Variants in SEZ6L observed in about 807,000 individuals in gnomAD.
SEZ6L encodes the protein seizure related 6 homolog like, also known as seizure 6-like protein.
In SEZ6L, 37 loss-of-function variants were observed where a neutral mutation model predicts 106.2. That is an observed-to-expected ratio of 0.35 (90% CI 0.27 to 0.46). SEZ6L has a LOEUF of 0.46. Among genes scored for constraint, SEZ6L ranks in the 20% least tolerant of loss-of-function variants. The probability of loss-of-function intolerance (pLI) is 1.00; values close to 1 mark genes in which losing one functional copy is unlikely to be tolerated. For missense variants in SEZ6L, 1,172 were observed against 1,332.8 expected (o/e 0.88, Z 1.88); for synonymous variants, 541 against 570.4 (o/e 0.95, Z 0.73).
At chr22:26,178,349 G>T (rs747964020) in intron 1 of SEZ6L, among the ~76,000 whole-genome samples, 1 of 152,186 alleles carries the variant, frequency 6.6e-6, no homozygotes, top group Non-Finnish European at 1.5e-5. Context: ...CAAGGCCCAG[G>T]CTAGGTATCC....
chr22:26,310,784 G>A lies in SEZ6L; in HGVS notation c.1629G>A (p.Glu543=). ...GCGAAGGCAACACCATCCGCATCGA[G>A]TTCACGTCCGACCAGGCCCGGGCGG... ...LLSEGNTIRI[E]FTSDQARAAS... is the part of the protein sequence containing the mutation. Residue 543 remains glutamate, a synonymous_variant, in exon 7 of 17, where the codon GAG becomes GAA. Transcript: ENST00000248933. 3 of 1,614,148 alleles carry A rather than the reference G, an allele frequency of 1.9e-6. No individual in the cohort carries two copies. The highest frequency in any genetic ancestry group is 1.7e-5 in the Admixed American group (1 of 60,022).
At position 26,191,712 on chromosome 22, in the gene SEZ6L, C is replaced by T. The variant is rs368817137; in HGVS notation, c.94+21949C>T. Among the ~76,000 whole-genome samples the T allele has an allele frequency of 9.2e-5, 14 of 152,248 alleles. No individual in the cohort carries two copies. The South Asian group carries it at 2.3e-3, about 25-fold the overall frequency. On this transcript the variant is annotated intron_variant, in intron 1 of 16. Transcript: ENST00000248933. Reference sequence around the variant, plus strand: ...GGCACATGTTTACCTATGTAACAAACCTGTACATCCTGCACATGTATCCCT... The same window carrying T: ...GGCACATGTTTACCTATGTAACAAATCTGTACATCCTGCACATGTATCCCT...
At chr22:26,303,939 C>A (rs1394368833) in intron 5 of SEZ6L, among the ~76,000 whole-genome samples, 1 of 152,150 alleles carries the variant, frequency 6.6e-6, no homozygotes, top group Non-Finnish European at 1.5e-5. Flanking sequence ...AGACTTGAAA[C>A]CCTGGTCATG....
intron 1 of SEZ6L, among the ~76,000 whole-genome samples, chr22:26,199,659 A>G (rs1029981374): frequency 1.3e-5 from 2 of 152,230 alleles, no homozygotes; most frequent in Admixed American, 1.3e-4. Flanking sequence ...ATCCAGGACT[A>G]GAGGCAAGGA....
chr22:26,185,684 A>G (rs962115894), intron 1 of SEZ6L, among the ~76,000 whole-genome samples: 1 of 152,102 alleles, frequency 6.6e-6, no homozygotes, highest in Admixed American at 6.5e-5. Context: ...TCCACCATTT[A>G]TATGCCAGGC....
In SEZ6L at chr22:26,292,441, C is replaced by G. The variant is rs764187004; in HGVS notation, c.130C>G (p.Pro44Ala). 6.2e-7 allele frequency: 1 copy of G among 1,613,650 alleles called. No individual in the cohort carries two copies. Among genetic ancestry groups the G allele is most frequent in the Non-Finnish European group, 8.5e-7 (1 of 1,179,856 alleles). The change falls in exon 2 of 17, where the codon CCT (proline) becomes GCT (alanine). Residue 44 changes from proline (P) to alanine (A), a missense_variant. Pro to Ala is a conservative substitution (Grantham distance 27, BLOSUM62 -1). This residue lies in a region of SEZ6L where 494 missense variants were observed against 445.8 expected (regional missense o/e 1.11). Coordinates refer to ENST00000248933, the MANE Select transcript of SEZ6L (RefSeq NM_021115.5). The stretch of plus-strand genomic sequence containing the variant: ...CGAGGGAGATGCTAGCCCTTTGGGT[C>G]CTTACCTCCTGCCCTCAGGAGCCCC... ...LPEGDASPLG[P>A]YLLPSGAPER...
chr22:26,211,912 T>C (rs1374433522), intron 1 of SEZ6L, among the ~76,000 whole-genome samples: 1 of 150,004 alleles, frequency 6.7e-6, no homozygotes, highest in Non-Finnish European at 1.5e-5. Flanking sequence ...GTAGACAAAA[T>C]TCATGCCCAC....
intron 1 of SEZ6L, among the ~76,000 whole-genome samples, chr22:26,195,674 A>G (rs1024599831): frequency 6.6e-6 from 1 of 152,138 alleles, no homozygotes; most frequent in Non-Finnish European, 1.5e-5. Flanking sequence ...TCCATGCTCA[A>G]TCTATCACAG....
intron 1 of SEZ6L, among the ~76,000 whole-genome samples, chr22:26,270,463 G>GTGTGT (rs2080327712): frequency 7.5e-5 from 11 of 146,372 alleles, no homozygotes; most frequent in African/African-American, 2.8e-4. Flanking sequence ...AATTGTGAGG[G>GTGTGT]GTGTGTGTGT....
chr22:26,191,227 A>G (rs1048091658), intron 1 of SEZ6L, among the ~76,000 whole-genome samples: 3 of 152,232 alleles, frequency 2.0e-5, no homozygotes, highest in Non-Finnish European at 2.9e-5. Context: ...CAGCAATCCC[A>G]TTACTGGGTA....
chr22:26,351,417 C>T, intron 12 of SEZ6L, 174 bp downstream of exon 12: 1 of 537,090 alleles, frequency 1.9e-6, no homozygotes, highest in South Asian at 3.0e-5. Flanking sequence ...CATACTATAA[C>T]ATTTACAGTA....
At chr22:26,348,687 A>AAAGGAAGGAAGG (rs1491588787) in intron 11 of SEZ6L, among the ~76,000 whole-genome samples, 1 of 64,466 alleles carries the variant, frequency 1.6e-5, no homozygotes, top group South Asian at 8.6e-4. Context: ...AGAAAGAAAG[A>AAAGGAAGGAAGG]AAGAAAGAAA....
At chr22:26,252,409 T>C (rs1012222813) in intron 1 of SEZ6L, among the ~76,000 whole-genome samples, 7 of 152,224 alleles carry the variant, frequency 4.6e-5, no homozygotes, top group Non-Finnish European at 8.8e-5. Context: ...CATGTGTGTA[T>C]ATATATAGAT....
chr22:26,177,857 C>T (rs887875791), intron 1 of SEZ6L, among the ~76,000 whole-genome samples: 1 of 152,122 alleles, frequency 6.6e-6, no homozygotes, highest in Non-Finnish European at 1.5e-5. Context: ...TTATCTGCCT[C>T]AATCCTCTCC....
intron 11 of SEZ6L, among the ~76,000 whole-genome samples, chr22:26,350,719 C>A (rs1405896558): frequency 1.4e-5 from 2 of 144,926 alleles, no homozygotes; most frequent in East Asian, 2.0e-4. Flanking sequence ...TGCAGTGGTG[C>A]GATCTCGGCT....
chr22:26,239,052 A>G (rs2079033863), intron 1 of SEZ6L, among the ~76,000 whole-genome samples: 1 of 152,156 alleles, frequency 6.6e-6, no homozygotes, highest in African/African-American at 2.4e-5. Flanking sequence ...GCAAGACCCC[A>G]TCTCTACAAA....
At chr22:26,170,443 C>T (rs189595142) in intron 1 of SEZ6L, among the ~76,000 whole-genome samples, 1 of 152,056 alleles carries the variant, frequency 6.6e-6, no homozygotes, top group Non-Finnish European at 1.5e-5. Flanking sequence ...TCTACTCTCT[C>T]CCCTACTGCC....
chr22:26,313,928 C>T lies in SEZ6L; in HGVS notation c.2015+26C>T, dbSNP rs1334628313. 3 of 1,583,352 alleles carry T rather than the reference C, an allele frequency of 1.9e-6. No homozygotes were observed. In the South Asian group the frequency reaches 3.3e-5, roughly 18 times the overall value. On this transcript the variant is annotated intron_variant, in intron 9 of 16. Coordinates refer to ENST00000248933, the MANE Select transcript of SEZ6L (RefSeq NM_021115.5). ...GTGAGTGTTTAAAATGGGTGGCCCT[C>T]TAATTTGGCAAAATTTGGGAGATTG...
chr22:26,267,399 T>C (rs890401502), intron 1 of SEZ6L, among the ~76,000 whole-genome samples: 1 of 152,206 alleles, frequency 6.6e-6, no homozygotes, highest in South Asian at 2.1e-4. Context: ...AAGTAGGACA[T>C]GAGGCTGGTA....
Sources: allele counts gnomAD v4.1 joint callset (sites outside exome capture counted in the v4.1 genomes callset), GRCh38; gene constraint gnomAD v4.1.1; regional missense constraint gnomAD v4.1.1; transcripts MANE v1.5; gene names NCBI Gene and HGNC (gene_info 2026-07-23, HGNC 2026-07-21).